The following SYNRG variants were observed in gnomAD, a reference collection of about 807,000 sequenced individuals.
SYNRG encodes the protein AP1 gamma subunit binding protein 1.
In SYNRG, 37 loss-of-function variants were observed where a neutral mutation model predicts 130.9. The observed-to-expected ratio is 0.28, with a 90% CI of 0.22 to 0.37. The LOEUF is 0.37. SYNRG is among the 10% of genes least tolerant of loss of function. SYNRG has a pLI of 1.00. For missense variants in SYNRG, 1,338 were observed against 1,588.9 expected (o/e 0.84, Z 2.68); for synonymous variants, 539 against 568.1 (o/e 0.95, Z 0.73).
chr17:37,544,304 G>GTT (rs767642773), intron 14 of SYNRG, among the ~76,000 whole-genome samples: 10 of 140,754 alleles, frequency 7.1e-5, no homozygotes, highest in South Asian at 2.3e-4. Context: ...CAGGTGAAAA[G>GTT]TTTTTTTTTT....
Position 37,539,248 on chromosome 17 carries a change from G to C in SYNRG, c.3367-3C>G. Reference sequence around the variant, plus strand: ...TCATATGCATATCTCTCATTTTCCTGTGAATTTGTTAAAAAGAACTGGGTT... The same window carrying C: ...TCATATGCATATCTCTCATTTTCCTCTGAATTTGTTAAAAAGAACTGGGTT... On this transcript the variant is annotated splice_region_variant and splice_polypyrimidine_tract_variant and intron_variant, in intron 16 of 21. Transcript: ENST00000612223. 1 of 1,613,980 alleles carries C rather than the reference G, an allele frequency of 6.2e-7. No individual in the cohort carries two copies. Among genetic ancestry groups the C allele is most frequent in the Non-Finnish European group, 8.5e-7 (1 of 1,180,004 alleles).
intron 13 of SYNRG, among the ~76,000 whole-genome samples, chr17:37,558,171 CAAG>C (rs1205598754): frequency 6.6e-6 from 1 of 152,154 alleles, no homozygotes; most frequent in African/African-American, 2.4e-5. Flanking sequence ...GGATAAAACA[CAAG>C]AAAATATTTC....
intron 3 of SYNRG, among the ~76,000 whole-genome samples, chr17:37,588,323 G>A (rs2146573876): frequency 6.7e-6 from 1 of 150,140 alleles, no homozygotes; most frequent in African/African-American, 2.5e-5. Context: ...GATGCAGTAG[G>A]GCAATCTCAG....
chr17:37,535,654 C>T (rs2057117882), intron 19 of SYNRG, among the ~76,000 whole-genome samples: 1 of 152,208 alleles, frequency 6.6e-6, no homozygotes, highest in Non-Finnish European at 1.5e-5. Context: ...CGTATGGGGA[C>T]ATAAATAACT....
intron 2 of SYNRG, among the ~76,000 whole-genome samples, chr17:37,597,703 G>A (rs925767899): frequency 6.6e-6 from 1 of 152,192 alleles, no homozygotes; most frequent in Non-Finnish European, 1.5e-5. Flanking sequence ...AAGAGCAGAG[G>A]TGAATGAATA....
intron 8 of SYNRG, among the ~76,000 whole-genome samples, chr17:37,575,067 T>C (rs1338020738): frequency 6.6e-6 from 1 of 152,136 alleles, no homozygotes; most frequent in African/African-American, 2.4e-5. Context: ...AAATTTCATA[T>C]ATTCTCATTC....
chr17:37,565,706 G>A (rs1000794431), intron 11 of SYNRG, among the ~76,000 whole-genome samples: 1 of 150,752 alleles, frequency 6.6e-6, no homozygotes, highest in Non-Finnish European at 1.5e-5. Flanking sequence ...GCCCCATCTG[G>A]GATGTGAGGA....
rs886221503 is a variant in SYNRG, at chr17:37,577,534, A to G, written c.669T>C (p.Ser223=). Residue 223 remains serine, a synonymous_variant, in exon 7 of 22, where the codon TCT becomes TCC. Coordinates refer to ENST00000612223, the MANE Select transcript of SYNRG (RefSeq NM_007247.6). The part of the protein sequence containing the change: ...SGQEQIKLNT[S]EVGHKALGPG... Reference sequence around the variant, plus strand: ...GGCCTAGGGCTTTGTGGCCAACTTCAGAAGTATTTAATTTAATTTGTTCCT... The same window carrying G: ...GGCCTAGGGCTTTGTGGCCAACTTCGGAAGTATTTAATTTAATTTGTTCCT... The G allele has an allele frequency of 6.2e-6, 10 of 1,613,982 alleles. No individual in the cohort carries two copies. The highest frequency in any genetic ancestry group is 2.7e-5 in the African/African-American group (2 of 74,874).
At chr17:37,529,303 G>A (rs2056335006) in intron 19 of SYNRG, among the ~76,000 whole-genome samples, 3 of 152,130 alleles carry the variant, frequency 2.0e-5, no homozygotes, top group East Asian at 1.9e-4. Context: ...CAAATTCCAA[G>A]GTCTCTTTAA....
At chr17:37,569,955 T>C (rs914732674) in intron 10 of SYNRG, among the ~76,000 whole-genome samples, 1 of 152,330 alleles carries the variant, frequency 6.6e-6, no homozygotes, top group African/African-American at 2.4e-5. Context: ...TGATTACCAC[T>C]GTGTGAAGGA....
rs1011508248 is a variant in SYNRG, at chr17:37,520,287, C to T, written c.3778-73G>A. The T allele has an allele frequency of 1.9e-5, 31 of 1,594,018 alleles. No individual in the cohort carries two copies. The Admixed American group carries it at 4.0e-4, about 21-fold the overall frequency. On this transcript the variant is annotated intron_variant, in intron 20 of 21. Coordinates refer to ENST00000612223, the MANE Select transcript of SYNRG (RefSeq NM_007247.6). ...CCTCTTGCCTCCAAACACATCTTTA[C>T]AGGTTCACCCTTTTCCCCTGACCTC...
intron 3 of SYNRG, among the ~76,000 whole-genome samples, chr17:37,586,923 C>T (rs2061737057): frequency 6.6e-6 from 1 of 151,674 alleles, no homozygotes; most frequent in Admixed American, 6.6e-5. Context: ...TTCATATTTG[C>T]AATAATAGGT....
At chr17:37,581,990 C>G (rs963777681) in intron 6 of SYNRG, among the ~76,000 whole-genome samples, 1 of 151,774 alleles carries the variant, frequency 6.6e-6, no homozygotes, top group Non-Finnish European at 1.5e-5. Context: ...CTTGAACTCC[C>G]GACCTCAGGT....
chr17:37,541,057 T>C, intron 15 of SYNRG: 3 of 985,846 alleles, frequency 3.0e-6, no homozygotes, highest in Non-Finnish European at 3.6e-6. Context: ...TTTCCCTGCG[T>C]TTCGTTTTCA....
intron 3 of SYNRG, among the ~76,000 whole-genome samples, chr17:37,594,109 A>G (rs572976541): frequency 6.6e-6 from 1 of 150,662 alleles, no homozygotes; most frequent in Non-Finnish European, 1.5e-5. Flanking sequence ...AACTCTAAAA[A>G]CATTTTTCAG....
chr17:37,589,131 G>C (rs753113891), intron 3 of SYNRG, among the ~76,000 whole-genome samples: 1 of 152,200 alleles, frequency 6.6e-6, no homozygotes, highest in Non-Finnish European at 1.5e-5. Flanking sequence ...AATAAGTTGA[G>C]AAGTATAGTA....
intron 3 of SYNRG, among the ~76,000 whole-genome samples, chr17:37,588,271 T>G (rs2061856867): frequency 6.7e-6 from 1 of 149,070 alleles, no homozygotes; most frequent in Non-Finnish European, 1.5e-5. Flanking sequence ...TTTTTTTTTT[T>G]TTTTTTTTTG....
intron 17 of SYNRG, among the ~76,000 whole-genome samples, chr17:37,538,769 A>G (rs551138985): frequency 2.1e-4 from 32 of 152,194 alleles, no homozygotes; most frequent in African/African-American, 6.5e-4. Flanking sequence ...TAATTTTTGC[A>G]TTTTTAGTAG....
intron 1 of SYNRG, among the ~76,000 whole-genome samples, chr17:37,604,831 C>G (rs1033792869): frequency 6.6e-6 from 1 of 152,184 alleles, no homozygotes; most frequent in African/African-American, 2.4e-5. Context: ...AATTTCAATA[C>G]TGTTATGTCT....
Sources: allele counts gnomAD v4.1 joint callset (sites outside exome capture counted in the v4.1 genomes callset), GRCh38; gene constraint gnomAD v4.1.1; transcripts MANE v1.5; gene names NCBI Gene and HGNC (gene_info 2026-07-23, HGNC 2026-07-21).